The following COL12A1 variants were observed in gnomAD, a reference collection of about 807,000 sequenced individuals.
COL12A1 encodes the protein collagen alpha-1(XII) chain.
Under a neutral mutation model 349.7 loss-of-function variants are expected in COL12A1, and 114 were observed. The ratio of observed to expected loss-of-function variants is 0.33; its 90% CI spans 0.28 to 0.38. The LOEUF (loss-of-function observed/expected upper bound fraction) is 0.38. COL12A1 is among the 10% of genes least tolerant of loss of function. The probability of loss-of-function intolerance (pLI) is 1.00; values close to 1 mark genes in which losing one functional copy is unlikely to be tolerated. For synonymous variants in COL12A1, 1,369 were observed against 1,329.0 expected (o/e 1.03, Z -0.66); for missense variants, 3,284 against 3,756.9 (o/e 0.87, Z 3.29).
intron 65 of COL12A1, 115 bp downstream of exon 65, chr6:75,087,462 A>T (rs1363176404): frequency 1.1e-6 from 1 of 933,630 alleles, no homozygotes; most frequent in African/African-American, 1.7e-5. Flanking sequence ...GAACTGAAAG[A>T]GTTGTTATCT....
chr6:75,101,663 A>G lies in COL12A1; in HGVS notation c.8470-10T>C. On this transcript the variant is annotated splice_polypyrimidine_tract_variant and intron_variant, in intron 57 of 65. Transcript: ENST00000322507. ...GTAATCCTGGGGTTCCCTGCACAGA[A>G]GGAAACAAACAAGTGAAACATTATA... is the stretch of plus-strand genomic sequence containing the variant. The G allele has an allele frequency of 6.2e-7, 1 of 1,612,780 alleles. No individual in the cohort carries two copies. Among genetic ancestry groups the G allele is most frequent in the Non-Finnish European group, 8.5e-7 (1 of 1,179,516 alleles).
intron 2 of COL12A1, among the ~76,000 whole-genome samples, chr6:75,199,439 C>T (rs182102118): frequency 3.3e-5 from 5 of 152,154 alleles, no homozygotes; most frequent in African/African-American, 9.6e-5. Flanking sequence ...CACAACTCAC[C>T]GATGAATTGA....
Position 75,105,219 on chromosome 6 carries a change from G to A in COL12A1, c.8252C>T (p.Pro2751Leu), listed in dbSNP as rs1458147503. ...CTQDSVGPPG[P>L]PGPAGGPGAK... ...CAATTTCCTTACTGCAGGGCCTGGA[G>A]GTCCTGGAGGTCCAACGCTGTCCTG... Residue 2751 changes from proline to leucine, a missense_variant, in exon 54 of 66, where the codon CCT becomes CTT. Pro to Leu is a moderately conservative substitution (Grantham distance 98). Transcript: ENST00000322507. 1 of 1,613,356 alleles carries A rather than the reference G, an allele frequency of 6.2e-7. No homozygotes were observed. Among genetic ancestry groups the A allele is most frequent in the South Asian group, 1.1e-5 (1 of 91,002 alleles).
intron 39 of COL12A1, 115 bp downstream of exon 39, chr6:75,126,236 C>T (rs1465095013): frequency 2.5e-6 from 3 of 1,219,294 alleles, no homozygotes; most frequent in Admixed American, 2.6e-5. Context: ...TTACAGGAAA[C>T]TTGGTGTGAT....
chr6:75,188,423 G>T lies in COL12A1; in HGVS notation c.936C>A (p.Ile312=). 6.2e-7 allele frequency: 1 copy of T among 1,613,616 alleles called. No individual in the cohort carries two copies. The highest frequency in any genetic ancestry group is 1.1e-5 in the South Asian group (1 of 91,062). The change falls in exon 8 of 66, where the codon ATC becomes ATA. Residue 312 remains isoleucine (I), a synonymous_variant. Coordinates refer to ENST00000322507, the MANE Select transcript of COL12A1 (RefSeq NM_004370.6). ...CAACACCTGAGCACACCTGGGAGAT[G>T]ATCTCATTCTGAATATCCACAATTG... The part of the protein sequence containing the change: ...FDAIVDIQNE[I]ISQVCSGVDE...
chr6:75,132,382 T>C (rs1267603270), intron 34 of COL12A1, among the ~76,000 whole-genome samples: 2 of 152,148 alleles, frequency 1.3e-5, no homozygotes, highest in Admixed American at 6.6e-5. Context: ...ATAGGAAAAG[T>C]AGTTTCAGTT....
chr6:75,204,815 C>A (rs1375514894), intron 1 of COL12A1, among the ~76,000 whole-genome samples: 1 of 152,074 alleles, frequency 6.6e-6, no homozygotes, highest in Non-Finnish European at 1.5e-5. Context: ...GTGCGCGTCG[C>A]CTACCTCCTC....
intron 27 of COL12A1, among the ~76,000 whole-genome samples, chr6:75,139,367 T>C (rs1766780453): frequency 6.6e-6 from 1 of 152,186 alleles, no homozygotes; most frequent in Non-Finnish European, 1.5e-5. Flanking sequence ...AAGAAGTCCT[T>C]ATTAACCGAG....
intron 11 of COL12A1, among the ~76,000 whole-genome samples, chr6:75,180,571 C>CATATATATATATATATATATATATAT (rs1014346865): frequency 4.0e-5 from 6 of 150,840 alleles, no homozygotes; most frequent in African/African-American, 1.5e-4. Flanking sequence ...CCTATATATA[C>CATATATATATATATATATATATATAT]ATATATATAT....
intron 34 of COL12A1, among the ~76,000 whole-genome samples, chr6:75,132,419 A>C (rs114180593): frequency 1.4e-3 from 217 of 152,356 alleles, no homozygotes; most frequent in African/African-American, 5.1e-3. Context: ...GGAGAGAGGA[A>C]GAAGAGACAT....
chr6:75,163,304 C>T (rs1391320011), intron 14 of COL12A1, among the ~76,000 whole-genome samples: 1 of 152,180 alleles, frequency 6.6e-6, no homozygotes, highest in Admixed American at 6.5e-5. Flanking sequence ...AAATGTGACA[C>T]ATATACACCA....
At chr6:75,194,303 A>C (rs970003143) in intron 3 of COL12A1, among the ~76,000 whole-genome samples, 1 of 152,178 alleles carries the variant, frequency 6.6e-6, no homozygotes, top group Non-Finnish European at 1.5e-5. Context: ...AGAACAAGCA[A>C]AACAAGTTTT....
At chr6:75,132,538 C>T (rs1027787006) in intron 34 of COL12A1, among the ~76,000 whole-genome samples, 8 of 152,128 alleles carry the variant, frequency 5.3e-5, no homozygotes, top group East Asian at 1.9e-4. Context: ...CAAATTGCTA[C>T]TCAATAACTT....
In COL12A1 at chr6:75,131,894, G is replaced by T. The variant is rs1263901032; in HGVS notation, c.5937+46C>A. 6.2e-6 allele frequency: 10 copies of T among 1,603,362 alleles called. No individual in the cohort carries two copies. In the Admixed American group the frequency reaches 1.3e-4, roughly 22 times the overall value. ...GCTATCAAACGTGACACAAACATGT[G>T]ACTACATTCACCAGGAAATGCAGTT... On this transcript the variant is annotated intron_variant, in intron 35 of 65. Coordinates refer to ENST00000322507, the MANE Select transcript of COL12A1 (RefSeq NM_004370.6).
At chr6:75,197,652 A>C (rs1331157876) in intron 2 of COL12A1, among the ~76,000 whole-genome samples, 1 of 152,198 alleles carries the variant, frequency 6.6e-6, no homozygotes, top group Non-Finnish European at 1.5e-5. Flanking sequence ...ATTGATTATA[A>C]CTGCAAAGAG....
chr6:75,134,981 A>G, intron 31 of COL12A1, 126 bp from the exon 32 acceptor site: 1 of 971,846 alleles, frequency 1.0e-6, no homozygotes, highest in Non-Finnish European at 1.5e-6. Flanking sequence ...TACATACCAC[A>G]GTCAAGGTTT....
At chr6:75,183,717 G>A (rs1769457230) in intron 9 of COL12A1, 65 bp from the exon 10 acceptor site, 1 of 1,529,130 alleles carries the variant, frequency 6.5e-7, no homozygotes, top group Admixed American at 2.2e-5. Context: ...TACATATCTA[G>A]CTTTCTTAGT....
intron 10 of COL12A1, among the ~76,000 whole-genome samples, chr6:75,182,416 G>A (rs1206992747): frequency 2.6e-5 from 4 of 151,488 alleles, no homozygotes; most frequent in Non-Finnish European, 5.9e-5. Flanking sequence ...CTGTGTCCAT[G>A]TGTTCTCATT....
At chr6:75,151,382 CT>C (rs1562231474) in intron 20 of COL12A1, 95 bp from the exon 21 acceptor site, 1 of 1,157,246 alleles carries the variant, frequency 8.6e-7, no homozygotes. Context: ...TTCATGGCTG[CT>C]TTTGGCCAAC....
Sources: allele counts gnomAD v4.1 joint callset (sites outside exome capture counted in the v4.1 genomes callset), GRCh38; gene constraint gnomAD v4.1.1; transcripts MANE v1.5; gene names NCBI Gene and HGNC (gene_info 2026-07-23, HGNC 2026-07-21).